Variants in PREX2 observed in about 807,000 individuals in gnomAD.
PREX2 encodes phosphatidylinositol-3,4,5-trisphosphate dependent Rac exchange factor 2.
A neutral mutation model predicts 203.2 loss-of-function variants in PREX2; 107 were observed. That is an observed-to-expected ratio of 0.53 (90% confidence interval 0.45 to 0.62). PREX2 has a LOEUF of 0.62. Ranked by LOEUF, PREX2 falls within the 20% of genes least tolerant of loss-of-function variation. The probability of loss-of-function intolerance (pLI) is 0.00; values close to 1 mark genes in which losing one functional copy is unlikely to be tolerated. For missense variants in PREX2, 1,777 were observed against 1,955.9 expected, an observed-to-expected ratio of 0.91 and a Z score of 1.72; for synonymous variants, 672 against 663.6, an observed-to-expected ratio of 1.01 and a Z score of -0.19.
At chr8:68,022,357 A>C (rs1408678564) in intron 4 of PREX2, among the ~76,000 whole-genome samples, 1 of 152,038 alleles carries the variant, frequency 6.6e-6, no homozygotes, top group African/African-American at 2.4e-5. Context: ...GTTGATTATG[A>C]ATTATCTGTG....
intron 1 of PREX2, among the ~76,000 whole-genome samples, chr8:67,972,358 T>C (rs572294693): frequency 2.6e-5 from 4 of 152,380 alleles, no homozygotes; most frequent in African/African-American, 9.6e-5. Flanking sequence ...GTTGAAAGTA[T>C]GTGAAACCTC....
chr8:68,112,117 T>G (rs1810547185), intron 25 of PREX2, among the ~76,000 whole-genome samples: 1 of 152,148 alleles, frequency 6.6e-6, no homozygotes, highest in Non-Finnish European at 1.5e-5. Context: ...CTACTTAGCT[T>G]CAGAGCCAAA....
chr8:68,085,302 C>A (rs1809647306), intron 18 of PREX2, among the ~76,000 whole-genome samples: 1 of 152,126 alleles, frequency 6.6e-6, no homozygotes, highest in South Asian at 2.1e-4. Context: ...ATATCAAGAG[C>A]ATATTTTACA....
At chr8:68,208,629 AT>A (rs777839290) in intron 37 of PREX2, among the ~76,000 whole-genome samples, 8 of 152,154 alleles carry the variant, frequency 5.3e-5, no homozygotes, top group Non-Finnish European at 1.5e-5. Flanking sequence ...GGTAAAAAGC[AT>A]TTGGAAACTG....
chr8:68,072,400 A>T (rs1809222503), intron 13 of PREX2, 95 bp from the exon 14 acceptor site: 1 of 655,890 alleles, frequency 1.5e-6, no homozygotes, highest in Non-Finnish European at 2.7e-6. Context: ...TCTCTGTTGC[A>T]TATTGATACT....
intron 37 of PREX2, among the ~76,000 whole-genome samples, chr8:68,208,144 A>G (rs1047847283): frequency 6.6e-6 from 1 of 152,174 alleles, no homozygotes; most frequent in Non-Finnish European, 1.5e-5. Context: ...GGTTGCACCA[A>G]TCTAGGCAGG....
At chr8:68,156,400 C>T (rs763322674) in intron 34 of PREX2, among the ~76,000 whole-genome samples, 2 of 152,146 alleles carry the variant, frequency 1.3e-5, no homozygotes, top group Non-Finnish European at 2.9e-5. Context: ...GCCTCTCATA[C>T]ATATGTTGCG....
chr8:68,064,984 C>T (rs1019922220), intron 11 of PREX2, among the ~76,000 whole-genome samples: 1 of 152,184 alleles, frequency 6.6e-6, no homozygotes. Flanking sequence ...GGTTCTCTCA[C>T]ACAGTTATTT....
intron 37 of PREX2, among the ~76,000 whole-genome samples, chr8:68,199,709 C>A (rs1812466060): frequency 6.6e-6 from 1 of 152,082 alleles, no homozygotes; most frequent in Non-Finnish European, 1.5e-5. Context: ...AGGTAACTAC[C>A]AATTAACAAT....
intron 4 of PREX2, among the ~76,000 whole-genome samples, chr8:68,022,754 C>T (rs58257155): frequency 0.022 from 3,335 of 152,090 alleles, 114 homozygotes; most frequent in African/African-American, 0.076. Context: ...ATTTTTGTCA[C>T]CTCAGAAAGA....
At position 68,157,312 on chromosome 8, in the gene PREX2, GT is replaced by G; in HGVS notation, c.4232-7del. On this transcript the variant is annotated splice_polypyrimidine_tract_variant and intron_variant, in intron 34 of 39. Transcript: ENST00000288368. ...AGTTGCTTGTAAAATATGTTTACTT[GT>G]TTACACAGCACTAGAGAGCATGGAA... is the stretch of plus-strand genomic sequence containing the variant. 1 of 1,461,076 alleles carries G rather than the reference GT, an allele frequency of 6.8e-7. No homozygotes were observed. The highest frequency in any genetic ancestry group is 9.6e-7 in the Non-Finnish European group (1 of 1,047,076). 90.5% of individuals were successfully genotyped at this position (1,461,076 alleles called of 1,614,324 possible).
intron 1 of PREX2, among the ~76,000 whole-genome samples, chr8:67,994,184 G>A (rs970036584): frequency 1.3e-5 from 2 of 152,216 alleles, no homozygotes; most frequent in East Asian, 3.8e-4. Context: ...GCTATGTTTT[G>A]TTCCAGTCCA....
At chr8:68,149,822 C>T (rs1322307189) in intron 34 of PREX2, among the ~76,000 whole-genome samples, 4 of 152,156 alleles carry the variant, frequency 2.6e-5, no homozygotes, top group African/African-American at 9.7e-5. Flanking sequence ...CTGGAGTCCA[C>T]CAAAAGTGAG....
At chr8:68,207,307 T>C (rs191511165) in intron 37 of PREX2, among the ~76,000 whole-genome samples, 3 of 152,336 alleles carry the variant, frequency 2.0e-5, no homozygotes, top group African/African-American at 7.2e-5. Flanking sequence ...TTCTTTTTGC[T>C]AATATTTGTT....
At chr8:67,990,497 GTTT>G (rs34722724) in intron 1 of PREX2, among the ~76,000 whole-genome samples, 1 of 143,426 alleles carries the variant, frequency 7.0e-6, no homozygotes, top group African/African-American at 2.5e-5. Flanking sequence ...CTCCCAGGTG[GTTT>G]TTTTTTTTTT....
chr8:68,057,316 T>C (rs1039262450), intron 10 of PREX2, among the ~76,000 whole-genome samples: 10 of 152,168 alleles, frequency 6.6e-5, no homozygotes, highest in African/African-American at 1.9e-4. Context: ...ACTTCTTTTC[T>C]TTATAAATTA....
At chr8:68,222,091 A>G (rs1450450161) in intron 38 of PREX2, among the ~76,000 whole-genome samples, 2 of 152,150 alleles carry the variant, frequency 1.3e-5, no homozygotes, top group Non-Finnish European at 1.5e-5. Context: ...ACACACAGAC[A>G]CATACAAATA....
intron 8 of PREX2, among the ~76,000 whole-genome samples, chr8:68,051,060 G>C (rs1432178148): frequency 6.6e-6 from 1 of 152,090 alleles, no homozygotes; most frequent in Non-Finnish European, 1.5e-5. Flanking sequence ...CTAAGAAGTG[G>C]CCTGTTTGAG....
intron 25 of PREX2, chr8:68,114,248 G>A (rs1810596475): frequency 4.2e-6 from 2 of 476,966 alleles, no homozygotes; most frequent in Non-Finnish European, 8.5e-6. Context: ...TCACTTAATA[G>A]GTATTTATTC....
Sources: gnomAD v4.1 joint callset for allele counts (sites outside exome capture counted in the v4.1 genomes callset) on GRCh38, gnomAD v4.1.1 for gene constraint, MANE v1.5 for transcripts, NCBI Gene and HGNC (gene_info 2026-07-23, HGNC 2026-07-21) for gene names.